Variants in EPC2 observed in about 807,000 individuals in gnomAD.
The protein encoded by EPC2 is enhancer of polycomb 2.
A neutral mutation model predicts 92.1 loss-of-function variants in EPC2; 14 were observed. The ratio of observed to expected loss-of-function variants is 0.15; its 90% CI spans 0.10 to 0.24. The LOEUF (loss-of-function observed/expected upper bound fraction) is 0.24. Ranked by LOEUF, EPC2 falls within the 10% of genes least tolerant of loss-of-function variation. EPC2 has a pLI of 1.00. For synonymous variants in EPC2, 340 were observed against 334.7 expected, an observed-to-expected ratio of 1.02 and a Z score of -0.17; for missense variants, 755 against 971.5, an observed-to-expected ratio of 0.78 and a Z score of 2.96.
At chr2:148,783,883 T>C (rs1315669163) in intron 12 of EPC2, 127 bp downstream of exon 12, 2 of 930,140 alleles carry the variant, frequency 2.2e-6, no homozygotes, top group African/African-American at 1.7e-5. Context: ...TTAGGATTTC[T>C]TTGGAAAGAT....
In EPC2 at chr2:148,784,972, T is replaced by G; in HGVS notation, c.2322T>G (p.Thr774=). The change falls in exon 13 of 14, where the codon ACT becomes ACG. Residue 774 remains threonine, a synonymous_variant. Transcript: ENST00000258484. ...AASMDRVPKV[T]PSSAISSIAR... is the part of the protein sequence containing the mutation. Reference sequence around the variant, plus strand: ...GTATGGACAGAGTGCCAAAGGTTACTCCCAGCAGTGCCATCAGCAGCATAG... The same window carrying G: ...GTATGGACAGAGTGCCAAAGGTTACGCCCAGCAGTGCCATCAGCAGCATAG... The G allele has an allele frequency of 6.5e-7, 1 of 1,531,378 alleles. No individual in the cohort carries two copies. Among genetic ancestry groups the G allele is most frequent in the Non-Finnish European group, 8.8e-7 (1 of 1,137,960 alleles). The allele number at this position is 1,531,378 out of a possible 1,614,324, so 94.9% of individuals were successfully genotyped here.
intron 1 of EPC2, among the ~76,000 whole-genome samples, chr2:148,658,629 A>G (rs1484775568): frequency 7.4e-6 from 1 of 134,756 alleles, no homozygotes; most frequent in East Asian, 2.0e-4. Context: ...ATATATATAT[A>G]TATGCATTTT....
At chr2:148,731,702 A>G (rs565201980) in intron 2 of EPC2, among the ~76,000 whole-genome samples, 1 of 152,276 alleles carries the variant, frequency 6.6e-6, no homozygotes, top group South Asian at 2.1e-4. Flanking sequence ...GCCCCCGGCC[A>G]GAAATTTACA....
chr2:148,730,435 A>G (rs1682593936), intron 2 of EPC2, among the ~76,000 whole-genome samples: 1 of 152,228 alleles, frequency 6.6e-6, no homozygotes, highest in African/African-American at 2.4e-5. Context: ...TAAAGTTTAT[A>G]ATGTTTTAGA....
In EPC2 at chr2:148,771,367, C is replaced by T; in HGVS notation, c.1700C>T (p.Thr567Ile). 1 of 1,600,868 alleles carries T rather than the reference C, an allele frequency of 6.2e-7. No individual in the cohort carries two copies. The highest frequency in any genetic ancestry group is 8.5e-7 in the Non-Finnish European group (1 of 1,175,072). Residue 567 changes from threonine to isoleucine, a missense_variant, in exon 10 of 14, where the codon ACC becomes ATC. This residue lies in a region of EPC2 where 509 missense variants were observed against 607.7 expected (regional missense o/e 0.84). Coordinates refer to ENST00000258484, the MANE Select transcript of EPC2 (RefSeq NM_015630.4). ...GCAGCATCTGTAGCTTTATTGAACACCAGCAAGAATGGCATATCAGGTAAG... is the reference window on the plus strand; with the variant it reads ...GCAGCATCTGTAGCTTTATTGAACATCAGCAAGAATGGCATATCAGGTAAG... ...VSAASVALLN[T>I]SKNGISVTGG...
chr2:148,712,243 G>GT (rs1383353592), intron 2 of EPC2, among the ~76,000 whole-genome samples: 2,389 of 150,908 alleles, frequency 0.016, 59 homozygotes, highest in African/African-American at 0.051. Flanking sequence ...GTGTGTGTGG[G>GT]GGTGTGTGTG....
rs779307112 is a variant in EPC2 at position 148,784,654 on chromosome 2, T to C, written c.2018-14T>C. 2 of 1,555,966 alleles carry C rather than the reference T, an allele frequency of 1.3e-6. No individual in the cohort carries two copies. The highest frequency in any genetic ancestry group is 8.7e-7 in the Non-Finnish European group (1 of 1,148,332). On this transcript the variant is annotated splice_polypyrimidine_tract_variant and intron_variant, in intron 12 of 13. Transcript: ENST00000258484. ...GTCTCATGATACTAGTTGAATGACT[T>C]CTTTCTTTTTCAGGAACCTCTAAAA...
At chr2:148,721,958 C>A (rs1682389332) in intron 2 of EPC2, among the ~76,000 whole-genome samples, 1 of 68,364 alleles carries the variant, frequency 1.5e-5, no homozygotes, top group Non-Finnish European at 2.9e-5. Context: ...TGCATGTTGT[C>A]TGTTTTTTCC....
At chr2:148,687,727 T>C (rs1033818793) in intron 1 of EPC2, among the ~76,000 whole-genome samples, 5 of 152,238 alleles carry the variant, frequency 3.3e-5, no homozygotes, top group African/African-American at 1.2e-4. Context: ...CCTGGCTTAC[T>C]GTTCACTTGT....
intron 7 of EPC2, among the ~76,000 whole-genome samples, chr2:148,766,112 C>CT (rs1683403570): frequency 6.6e-6 from 1 of 152,114 alleles, no homozygotes; most frequent in African/African-American, 2.4e-5. Context: ...GCAATACCCT[C>CT]TTTTTAAAAA....
In EPC2 at chr2:148,771,298, C is replaced by T; in HGVS notation, c.1631C>T (p.Thr544Ile). Residue 544 changes from threonine (T) to isoleucine (I), a missense_variant, in exon 10 of 14, where the codon ACC becomes ATC. Transcript: ENST00000258484. ...NLQDSDSEEC[T>I]SRKPGQTVNN... The stretch of plus-strand genomic sequence containing the variant: ...CAGGACAGTGATAGTGAAGAATGTA[C>T]CTCAAGAAAACCAGGGCAGACTGTG... The T allele has an allele frequency of 6.2e-7, 1 of 1,613,940 alleles. No homozygotes were observed. Among genetic ancestry groups the T allele is most frequent in the East Asian group, 2.2e-5 (1 of 44,874 alleles).
At chr2:148,732,450 G>A (rs747620247) in intron 2 of EPC2, among the ~76,000 whole-genome samples, 64 of 147,378 alleles carry the variant, frequency 4.3e-4, no homozygotes, top group Admixed American at 3.3e-3. Context: ...GCACGATCTC[G>A]GCTCACTGCA....
At chr2:148,696,899 T>G (rs972491672) in intron 2 of EPC2, among the ~76,000 whole-genome samples, 2 of 152,234 alleles carry the variant, frequency 1.3e-5, no homozygotes, top group Non-Finnish European at 2.9e-5. Flanking sequence ...TACAAAAATA[T>G]TTTCTCATAT....
At chr2:148,752,995 G>T (rs1177802008) in intron 3 of EPC2, among the ~76,000 whole-genome samples, 4 of 152,174 alleles carry the variant, frequency 2.6e-5, no homozygotes, top group Non-Finnish European at 5.9e-5. Context: ...TAAAAAGATT[G>T]AGATAGCATC....
At chr2:148,728,592 G>C (rs1331968025) in intron 2 of EPC2, among the ~76,000 whole-genome samples, 1 of 151,906 alleles carries the variant, frequency 6.6e-6, no homozygotes, top group Non-Finnish European at 1.5e-5. Flanking sequence ...AGCCAGGTGT[G>C]GTGGTGTTAT....
chr2:148,786,422 T>G lies in EPC2; in HGVS notation c.*45T>G. The G allele has an allele frequency of 6.7e-7, 1 of 1,501,280 alleles. No homozygotes were observed. Among genetic ancestry groups the G allele is most frequent in the Non-Finnish European group, 9.2e-7 (1 of 1,090,874 alleles). 93.0% of individuals were successfully genotyped at this position (1,501,280 alleles called of 1,614,324 possible). Reference sequence around the variant, plus strand: ...ACCTGTGCTGATGGTGTGCAGTCATTCATATTCCAGCTGAATGCAAAAGGC... The same window carrying G: ...ACCTGTGCTGATGGTGTGCAGTCATGCATATTCCAGCTGAATGCAAAAGGC... On this transcript the variant is annotated 3_prime_UTR_variant, in exon 14 of 14. Transcript: ENST00000258484.
At chr2:148,731,193 A>G (rs1158658867) in intron 2 of EPC2, among the ~76,000 whole-genome samples, 1 of 152,150 alleles carries the variant, frequency 6.6e-6, no homozygotes, top group Non-Finnish European at 1.5e-5. Context: ...TGGAGTGGTA[A>G]AAATAGTTTT....
chr2:148,774,875 C>T (rs549915191), intron 10 of EPC2, among the ~76,000 whole-genome samples: 3 of 151,444 alleles, frequency 2.0e-5, no homozygotes, highest in Non-Finnish European at 4.4e-5. Flanking sequence ...ATCACGAGGT[C>T]AGGAGATTGA....
chr2:148,728,888 C>G (rs536984282), intron 2 of EPC2, among the ~76,000 whole-genome samples: 1 of 150,950 alleles, frequency 6.6e-6, no homozygotes, highest in Non-Finnish European at 1.5e-5. Context: ...AAAAATTAGC[C>G]GGGCATGGTG....
Sources: allele counts gnomAD v4.1 joint callset (sites outside exome capture counted in the v4.1 genomes callset), GRCh38; gene constraint gnomAD v4.1.1; regional missense constraint gnomAD v4.1.1; transcripts MANE v1.5; gene names NCBI Gene and HGNC (gene_info 2026-07-23, HGNC 2026-07-21).